The following LRRTM4 variants were observed in gnomAD, a reference collection of about 807,000 sequenced individuals.
LRRTM4 encodes leucine rich repeat transmembrane neuronal 4, also known as leucine-rich repeat transmembrane neuronal protein 4.
LRRTM4 carries 25 observed loss-of-function variants against 47.6 expected under a neutral mutation model. The ratio of observed to expected loss-of-function variants is 0.53; its 90% CI spans 0.38 to 0.73. The LOEUF is 0.73. Among genes scored for constraint, LRRTM4 ranks in the 30% least tolerant of loss-of-function variants. The probability of loss-of-function intolerance (pLI) is 0.00; values close to 1 mark genes in which losing one functional copy is unlikely to be tolerated. For synonymous variants in LRRTM4, 311 were observed against 269.5 expected (o/e 1.15, Z -1.51); for missense variants, 638 against 713.4 (o/e 0.89, Z 1.20).
chr2:76,784,021 T>C (rs1463253484), intron 3 of LRRTM4, among the ~76,000 whole-genome samples: 4 of 152,182 alleles, frequency 2.6e-5, no homozygotes, highest in Non-Finnish European at 4.4e-5. Flanking sequence ...CTATGTTTTA[T>C]TGTGAAAGTG....
chr2:77,131,624 A>G (rs1415788792), intron 3 of LRRTM4, among the ~76,000 whole-genome samples: 2 of 152,072 alleles, frequency 1.3e-5, no homozygotes, highest in African/African-American at 4.8e-5. Flanking sequence ...CTATTATTTC[A>G]TTTTGTCAAA....
At chr2:77,330,190 G>A (rs1349917211) in intron 3 of LRRTM4, among the ~76,000 whole-genome samples, 1 of 152,088 alleles carries the variant, frequency 6.6e-6, no homozygotes, top group Non-Finnish European at 1.5e-5. Context: ...AATCTGGGGG[G>A]GCAGGACTGT....
chr2:77,241,606 T>C (rs1675269505), intron 3 of LRRTM4, among the ~76,000 whole-genome samples: 1 of 149,604 alleles, frequency 6.7e-6, no homozygotes, highest in Admixed American at 7.3e-5. Flanking sequence ...AGATTAGGTA[T>C]GGAATGTATG....
At position 77,408,367 on chromosome 2, in the gene LRRTM4, T is replaced by C. The variant is rs1171540078; in HGVS notation, c.1551+109951A>G. 2.0e-5 allele frequency among the ~76,000 whole-genome samples: 3 copies of C among 152,206 alleles called. No individual in the cohort carries two copies. In the East Asian group the frequency reaches 5.8e-4, roughly 29 times the overall value. ...TATTTATCATGGTTTAAGATATTTA[T>C]CTAGACATAATTTTTAGAGACAAAA... On this transcript the variant is annotated intron_variant, in intron 3 of 3. Transcript: ENST00000409884.
At chr2:77,060,996 A>T (rs1389892602) in intron 3 of LRRTM4, among the ~76,000 whole-genome samples, 1 of 152,198 alleles carries the variant, frequency 6.6e-6, no homozygotes, top group Non-Finnish European at 1.5e-5. Context: ...AAAACACAAC[A>T]GTTTACTAGA....
At chr2:77,414,354 T>C (rs563628680) in intron 3 of LRRTM4, among the ~76,000 whole-genome samples, 16 of 152,120 alleles carry the variant, frequency 1.1e-4, no homozygotes, top group Admixed American at 8.5e-4. Context: ...GTCTGGTACA[T>C]ACTACAAAAA....
intron 3 of LRRTM4, among the ~76,000 whole-genome samples, chr2:77,135,340 G>A (rs1054282544): frequency 3.3e-5 from 5 of 152,170 alleles, no homozygotes; most frequent in Non-Finnish European, 5.9e-5. Flanking sequence ...TGGCACATTG[G>A]CACATGCCCA....
intron 3 of LRRTM4, among the ~76,000 whole-genome samples, chr2:77,382,291 T>C (rs1217186749): frequency 6.6e-6 from 1 of 152,116 alleles, no homozygotes; most frequent in Non-Finnish European, 1.5e-5. Flanking sequence ...TTGCACACTT[T>C]AACCTAAAGA....
chr2:76,775,926 G>T (rs878884881), intron 3 of LRRTM4, among the ~76,000 whole-genome samples: 1 of 86,868 alleles, frequency 1.2e-5, no homozygotes, highest in African/African-American at 4.6e-5. Flanking sequence ...CCCCACAACA[G>T]TCCCCAGAGT....
intron 3 of LRRTM4, among the ~76,000 whole-genome samples, chr2:77,163,974 G>A (rs902102989): frequency 1.3e-5 from 2 of 152,130 alleles, no homozygotes; most frequent in Non-Finnish European, 2.9e-5. Flanking sequence ...AACCTTAAAT[G>A]TAAATGGGCT....
At chr2:76,916,438 A>T (rs2103795608) in intron 3 of LRRTM4, among the ~76,000 whole-genome samples, 1 of 151,592 alleles carries the variant, frequency 6.6e-6, no homozygotes, top group South Asian at 2.1e-4. Flanking sequence ...TGGTCAGGAA[A>T]AATTGTAAAA....
At chr2:77,427,124 G>A (rs1398894101) in intron 3 of LRRTM4, among the ~76,000 whole-genome samples, 1 of 151,874 alleles carries the variant, frequency 6.6e-6, no homozygotes, top group East Asian at 1.9e-4. Context: ...GACTACAGGT[G>A]CGCACCACCA....
At chr2:76,802,248 A>T (rs1675737669) in intron 3 of LRRTM4, among the ~76,000 whole-genome samples, 1 of 151,374 alleles carries the variant, frequency 6.6e-6, no homozygotes, top group Non-Finnish European at 1.5e-5. Flanking sequence ...AAAAAAAAAA[A>T]AACTGTTAGA....
intron 3 of LRRTM4, among the ~76,000 whole-genome samples, chr2:77,051,733 T>C (rs1378331139): frequency 6.6e-6 from 1 of 152,210 alleles, no homozygotes; most frequent in Non-Finnish European, 1.5e-5. Flanking sequence ...TCTGTTAGCA[T>C]TAACTATTTA....
chr2:77,334,072 TG>T (rs1176401045), intron 3 of LRRTM4, among the ~76,000 whole-genome samples: 1 of 152,198 alleles, frequency 6.6e-6, no homozygotes, highest in East Asian at 1.9e-4. Context: ...CTCTTTGTGT[TG>T]GCCAAATTCT....
intron 3 of LRRTM4, among the ~76,000 whole-genome samples, chr2:77,227,879 A>T (rs1171053686): frequency 6.6e-6 from 1 of 152,064 alleles, no homozygotes; most frequent in Non-Finnish European, 1.5e-5. Context: ...TTTCTTATGC[A>T]TATGTCTACA....
intron 3 of LRRTM4, among the ~76,000 whole-genome samples, chr2:77,479,147 C>T (rs11690281): frequency 0.33 from 49,925 of 152,052 alleles, 8,416 homozygotes; most frequent in Middle Eastern, 0.36. Flanking sequence ...CCACCTGTCT[C>T]GGCCCCCCAG....
intron 3 of LRRTM4, among the ~76,000 whole-genome samples, chr2:77,494,544 T>G (rs1218411039): frequency 6.6e-6 from 1 of 152,026 alleles, no homozygotes; most frequent in African/African-American, 2.4e-5. Context: ...CATTCTTGCT[T>G]CTACCACTCT....
intron 3 of LRRTM4, among the ~76,000 whole-genome samples, chr2:77,349,460 A>G (rs1289877219): frequency 6.6e-6 from 1 of 152,082 alleles, no homozygotes; most frequent in Admixed American, 6.5e-5. Flanking sequence ...GGGAAGTGAT[A>G]CTATACTACT....
Sources: gnomAD v4.1 joint callset for allele counts (sites outside exome capture counted in the v4.1 genomes callset) on GRCh38, gnomAD v4.1.1 for gene constraint, MANE v1.5 for transcripts, NCBI Gene and HGNC (gene_info 2026-07-23, HGNC 2026-07-21) for gene names.